The following MBNL3 variants were observed in gnomAD, a reference collection of about 807,000 sequenced individuals.
MBNL3 encodes muscleblind-like protein 3.
In MBNL3, 6 loss-of-function variants were observed where a neutral mutation model predicts 24.5. The ratio of observed to expected loss-of-function variants is 0.25; its 90% CI spans 0.13 to 0.48. The LOEUF is 0.48. Ranked by LOEUF, MBNL3 falls within the 20% of genes least tolerant of loss-of-function variation. The pLI, the probability that MBNL3 is intolerant of heterozygous loss-of-function variation, is 0.99. For missense variants in MBNL3, 230 were observed against 293.5 expected, an observed-to-expected ratio of 0.78 and a Z score of 1.58; for synonymous variants, 100 against 101.7, an observed-to-expected ratio of 0.98 and a Z score of 0.10.
Position 132,489,026 on chromosome X carries a change from G to C in MBNL3, c.-879C>G, listed in dbSNP as rs1022334883. The stretch of plus-strand genomic sequence containing the variant: ...TTAGCAGGGGTGCATACTGAATGCC[G>C]CCATTTTAAAGCGAGGTTCCTGAAA... On this transcript the variant is annotated 5_prime_UTR_variant, in exon 1 of 9. Coordinates refer to ENST00000370853, the MANE Select transcript of MBNL3 (RefSeq NM_001386889.1). 7.1e-5 allele frequency: 8 copies of C among 113,235 alleles called. No homozygotes were observed. The allele number at this position is 113,235 out of a possible 1,213,427, so 9.3% of individuals were successfully genotyped here. A position where few individuals can be genotyped will look rare whatever the true frequency, so the allele number is the denominator to read the frequency against.
chrX:132,390,807 T>C, intron 5 of MBNL3, 40 bp downstream of exon 5: 1 of 1,095,200 alleles, frequency 9.1e-7, no homozygotes, highest in South Asian at 1.9e-5. Context: ...ATACAAAGCA[T>C]TTACTCTGAA....
rs909853234 is a variant in MBNL3, at chrX:132,376,828, ATTG to A, written c.*2835_*2837del. 1 of 111,797 alleles carries A rather than the reference ATTG, an allele frequency of 8.9e-6. No individual in the cohort carries two copies. Among genetic ancestry groups the A allele is most frequent in the Non-Finnish European group, 1.9e-5 (1 of 53,009 alleles). The allele number at this position is 111,797 out of a possible 1,213,427, so 9.2% of individuals were successfully genotyped here. On this transcript the variant is annotated 3_prime_UTR_variant, in exon 9 of 9. Transcript: ENST00000370853. ...AATTGTATTTTTTTCTGAAAACTCT[ATTG>A]AATTTGATCAAAACTTTAGGGCTTT...
rs1242822696 is a variant in MBNL3 at position 132,372,801 on chromosome X, A to G, written c.*6865T>C. The stretch of plus-strand genomic sequence containing the variant: ...AAAAACTAATATGATGTAGATGCCT[A>G]GCAAGGATTTTGCAATATCTGCAAA... On this transcript the variant is annotated 3_prime_UTR_variant, in exon 9 of 9. Transcript: ENST00000370853. 5 of 111,560 alleles carry G rather than the reference A, an allele frequency of 4.5e-5. No individual in the cohort carries two copies. Among genetic ancestry groups the G allele is most frequent in the Non-Finnish European group, 9.4e-5 (5 of 53,010 alleles). 9.2% of individuals were successfully genotyped at this position (111,560 alleles called of 1,213,427 possible).
At chrX:132,414,090 G>C (rs777451235) in intron 2 of MBNL3, among the ~76,000 whole-genome samples, 1 of 111,891 alleles carries the variant, frequency 8.9e-6, no homozygotes, top group Non-Finnish European at 1.9e-5. Context: ...GCCATTATTT[G>C]CATAGATATC....
intron 3 of MBNL3, among the ~76,000 whole-genome samples, chrX:132,396,325 CATATATATTCATATATATTCAT>C (rs1416267259): frequency 1.5e-5 from 1 of 66,152 alleles, no homozygotes; most frequent in Non-Finnish European, 2.5e-5. Flanking sequence ...AATATATATT[CATATATATTCATATATATTCAT>C]ATATATATAT....
intron 1 of MBNL3, among the ~76,000 whole-genome samples, chrX:132,483,193 T>C (rs1191525858): frequency 5.4e-5 from 6 of 111,924 alleles, no homozygotes; most frequent in Admixed American, 3.8e-4. Context: ...AAAATATCAA[T>C]GTACCCTTTA....
chrX:132,461,914 T>C (rs1354272215), intron 1 of MBNL3, among the ~76,000 whole-genome samples: 1 of 112,110 alleles, frequency 8.9e-6, no homozygotes. Flanking sequence ...CTGTGCTTTT[T>C]ATAGGAAGTT....
chrX:132,489,312 C>G (rs1439838910), upstream of MBNL3, among the ~76,000 whole-genome samples: 2 of 112,203 alleles, frequency 1.8e-5, no homozygotes, highest in Non-Finnish European at 3.8e-5. Context: ...TTCCCGGGGC[C>G]GGCCGGCGGG....
At chrX:132,430,366 G>A (rs930410682) in intron 2 of MBNL3, 3 of 111,203 alleles carry the variant, frequency 2.7e-5, no homozygotes, top group East Asian at 5.7e-4. Context: ...ACACTGGTAC[G>A]AGACTCTTAA....
intron 2 of MBNL3, among the ~76,000 whole-genome samples, chrX:132,434,201 C>A (rs1447384359): frequency 2.7e-5 from 3 of 112,366 alleles, no homozygotes; most frequent in Non-Finnish European, 5.6e-5. Flanking sequence ...ATATGATAGG[C>A]ACACACATAT....
chrX:132,480,146 G>C (rs946541916), intron 1 of MBNL3, among the ~76,000 whole-genome samples: 3 of 110,872 alleles, frequency 2.7e-5, no homozygotes, highest in Admixed American at 9.6e-5. Context: ...ATTATACTGA[G>C]GACAAAACTG....
intron 2 of MBNL3, among the ~76,000 whole-genome samples, chrX:132,427,296 TG>T (rs1944381502): frequency 8.9e-6 from 1 of 111,855 alleles, no homozygotes; most frequent in Non-Finnish European, 1.9e-5. Context: ...AGATTAAAGA[TG>T]GCTATGGTTT....
At chrX:132,423,188 A>C (rs1363348448) in intron 2 of MBNL3, among the ~76,000 whole-genome samples, 2 of 111,767 alleles carry the variant, frequency 1.8e-5, no homozygotes, top group Non-Finnish European at 3.8e-5. Flanking sequence ...CCTAGGAAAC[A>C]CATTCATTTT....
chrX:132,383,173 TGTC>T (rs1311424878), intron 7 of MBNL3, among the ~76,000 whole-genome samples: 1 of 112,486 alleles, frequency 8.9e-6, no homozygotes, highest in Non-Finnish European at 1.9e-5. Flanking sequence ...TAATTTATCA[TGTC>T]TACATCAATT....
At chrX:132,469,986 C>T (rs1947091400) in intron 1 of MBNL3, among the ~76,000 whole-genome samples, 1 of 111,548 alleles carries the variant, frequency 9.0e-6, no homozygotes, top group Non-Finnish European at 1.9e-5. Flanking sequence ...TTGTGTCTGC[C>T]TTTTTTCATT....
At chrX:132,448,821 G>A (rs984212816) in intron 1 of MBNL3, among the ~76,000 whole-genome samples, 2 of 112,069 alleles carry the variant, frequency 1.8e-5, no homozygotes, top group Non-Finnish European at 3.8e-5. Flanking sequence ...CTGTGTCCCA[G>A]AGATTCTGGC....
intron 2 of MBNL3, chrX:132,432,741 G>A (rs1944841412): frequency 9.0e-6 from 1 of 110,852 alleles, no homozygotes; most frequent in Non-Finnish European, 1.9e-5. Flanking sequence ...GTACTCATTA[G>A]TTGACTGTTT....
intron 3 of MBNL3, among the ~76,000 whole-genome samples, chrX:132,401,444 A>C (rs1222520972): frequency 9.2e-6 from 1 of 109,158 alleles, no homozygotes; most frequent in Non-Finnish European, 1.9e-5. Flanking sequence ...ATTTCTATTC[A>C]AAAAATTTTT....
At chrX:132,421,500 G>A (rs1195348163) in intron 2 of MBNL3, among the ~76,000 whole-genome samples, 2 of 111,624 alleles carry the variant, frequency 1.8e-5, no homozygotes, top group East Asian at 5.6e-4. Flanking sequence ...TAGTATTCTA[G>A]GCGAAAAGGC....
Sources: allele counts gnomAD v4.1 joint callset (sites outside exome capture counted in the v4.1 genomes callset), GRCh38; gene constraint gnomAD v4.1.1; transcripts MANE v1.5; gene names NCBI Gene and HGNC (gene_info 2026-07-23, HGNC 2026-07-21).